SLC2A9: variants seen among roughly 807,000 people sequenced by gnomAD.
SLC2A9 encodes the protein solute carrier family 2, facilitated glucose transporter member 9.
SLC2A9 carries 39 observed loss-of-function variants against 50.6 expected under a neutral mutation model. The ratio of observed to expected loss-of-function variants is 0.77; its 90% CI spans 0.60 to 1.01. SLC2A9 has a LOEUF of 1.01. Among genes scored for constraint, SLC2A9 ranks in the 50% least tolerant of loss-of-function variants. SLC2A9 has a pLI of 0.00. For synonymous variants in SLC2A9, 324 were observed against 276.9 expected, an observed-to-expected ratio of 1.17 and a Z score of -1.69; for missense variants, 686 against 677.6, an observed-to-expected ratio of 1.01 and a Z score of -0.14.
At chr4:9,858,983 G>A (rs1215304031) in intron 10 of SLC2A9, among the ~76,000 whole-genome samples, 3 of 152,130 alleles carry the variant, frequency 2.0e-5, no homozygotes, top group East Asian at 3.9e-4. Flanking sequence ...ATCAGACTCC[G>A]AGCTCTTCAG....
At chr4:9,999,113 T>A (rs562701200) in intron 2 of SLC2A9, among the ~76,000 whole-genome samples, 3 of 149,876 alleles carry the variant, frequency 2.0e-5, no homozygotes, top group South Asian at 2.1e-4. Context: ...AGTGGCATGA[T>A]CACAGCTCAC....
chr4:10,023,882 G>A (rs993061864), upstream of SLC2A9, among the ~76,000 whole-genome samples: 3 of 152,194 alleles, frequency 2.0e-5, no homozygotes, highest in Admixed American at 6.5e-5. Context: ...AGGGCCATCG[G>A]CCCTGCACTG....
intron 5 of SLC2A9, among the ~76,000 whole-genome samples, chr4:9,944,121 C>G (rs1473463769): frequency 6.6e-6 from 1 of 152,202 alleles, no homozygotes; most frequent in Non-Finnish European, 1.5e-5. Flanking sequence ...TATAACCACA[C>G]AGAGGCATGA....
At chr4:9,801,142 C>T (rs1721352753) in intron 3 of SLC2A9, among the ~76,000 whole-genome samples, 2 of 151,720 alleles carry the variant, frequency 1.3e-5, no homozygotes, top group East Asian at 1.9e-4. Flanking sequence ...AAAAAAAAGA[C>T]ACATGGCTCA....
At chr4:9,991,362 G>A (rs906214464) in intron 3 of SLC2A9, among the ~76,000 whole-genome samples, 1 of 152,186 alleles carries the variant, frequency 6.6e-6, no homozygotes, top group South Asian at 2.1e-4. Context: ...CTCAGTCATG[G>A]ACTAAACTAT....
At chr4:9,833,190 C>T (rs796608211) in intron 11 of SLC2A9, among the ~76,000 whole-genome samples, 10 of 152,254 alleles carry the variant, frequency 6.6e-5, no homozygotes, top group African/African-American at 1.7e-4. Context: ...ACTGCAGCCA[C>T]GTGAAGGTGT....
chr4:9,777,307 T>A (rs1577240418), downstream of SLC2A9, among the ~76,000 whole-genome samples: 3 of 152,048 alleles, frequency 2.0e-5, no homozygotes, highest in East Asian at 5.8e-4. Context: ...CTTTTTTTTT[T>A]TTTTTTAGAT....
chr4:9,799,692 A>ACCGGGGGGCCCCCCCCCCCCC, intron 3 of SLC2A9, among the ~76,000 whole-genome samples: 1 of 69,864 alleles, frequency 1.4e-5, no homozygotes, highest in East Asian at 4.8e-4. Context: ...TTCCAATTGT[A>ACCGGGGGGCCCCCCCCCCCCC]CCCCCCCCCC....
At chr4:9,956,244 G>A (rs1751259734) in intron 5 of SLC2A9, among the ~76,000 whole-genome samples, 2 of 151,924 alleles carry the variant, frequency 1.3e-5, no homozygotes, top group Admixed American at 1.3e-4. Flanking sequence ...AGCACTTTGG[G>A]AGGCCAAGGC....
intron 3 of SLC2A9, among the ~76,000 whole-genome samples, chr4:9,994,741 T>C (rs924465545): frequency 1.3e-5 from 2 of 152,052 alleles, no homozygotes; most frequent in South Asian, 2.1e-4. Flanking sequence ...GACCCGATTC[T>C]AGTGTTCCTT....
intron 6 of SLC2A9, among the ~76,000 whole-genome samples, chr4:9,928,840 T>C (rs929630661): frequency 6.6e-6 from 1 of 152,224 alleles, no homozygotes; most frequent in African/African-American, 2.4e-5. Context: ...ATATTCCGAA[T>C]GAAAAGTTTC....
At chr4:9,925,016 G>A (rs1052591592) in intron 6 of SLC2A9, among the ~76,000 whole-genome samples, 1 of 152,136 alleles carries the variant, frequency 6.6e-6, no homozygotes, top group African/African-American at 2.4e-5. Context: ...TTGCCAGCAG[G>A]ATCCAGTCCA....
chr4:9,929,374 CG>C (rs1358327190), intron 6 of SLC2A9, among the ~76,000 whole-genome samples: 1 of 152,172 alleles, frequency 6.6e-6, no homozygotes, highest in Non-Finnish European at 1.5e-5. Flanking sequence ...ATCAGTTCTG[CG>C]GGGCTTCTGA....
intron 3 of SLC2A9, among the ~76,000 whole-genome samples, chr4:9,987,821 C>T (rs1756999917): frequency 6.6e-6 from 1 of 151,682 alleles, no homozygotes; most frequent in Non-Finnish European, 1.5e-5. Context: ...GAGCGAGACT[C>T]CGTCTTGAAA....
intron 5 of SLC2A9, among the ~76,000 whole-genome samples, chr4:9,942,307 TCTGGTTGGCCAAGGCCA>T: frequency 6.6e-6 from 1 of 152,168 alleles, no homozygotes; most frequent in East Asian, 1.9e-4. Flanking sequence ...AGCAGGCGGC[TCTGGTTGGCCAAGGCCA>T]CTCAAGGGCT....
intron 5 of SLC2A9, among the ~76,000 whole-genome samples, chr4:9,977,082 C>A (rs1201105850): frequency 6.6e-6 from 1 of 152,172 alleles, no homozygotes; most frequent in African/African-American, 2.4e-5. Context: ...ATAACTGGAC[C>A]AGTCAACCCC....
At chr4:9,945,753 TG>T (rs1450022357) in intron 5 of SLC2A9, among the ~76,000 whole-genome samples, 2 of 152,212 alleles carry the variant, frequency 1.3e-5, no homozygotes, top group Non-Finnish European at 2.9e-5. Context: ...ATGGAGCTCC[TG>T]GGCACTTGGT....
intron 8 of SLC2A9, among the ~76,000 whole-genome samples, chr4:9,901,040 G>C (rs567193408): frequency 4.6e-5 from 7 of 152,284 alleles, no homozygotes; most frequent in African/African-American, 1.7e-4. Flanking sequence ...TCAGGCAATG[G>C]TAACACTAAT....
intron 5 of SLC2A9, among the ~76,000 whole-genome samples, chr4:9,977,209 A>C (rs1754946571): frequency 6.6e-6 from 1 of 152,180 alleles, no homozygotes; most frequent in African/African-American, 2.4e-5. Flanking sequence ...AAGCCTTCAC[A>C]GTTACACAGT....
Sources: allele counts gnomAD v4.1 joint callset (sites outside exome capture counted in the v4.1 genomes callset), GRCh38; gene constraint gnomAD v4.1.1; transcripts MANE v1.5; gene names NCBI Gene and HGNC (gene_info 2026-07-23, HGNC 2026-07-21).